Variants in CELF2 observed in about 807,000 individuals in gnomAD.
The protein encoded by CELF2 is CUGBP Elav-like family member 2, also known as CUG triplet repeat RNA-binding protein 2.
Under a neutral mutation model 62.6 loss-of-function variants are expected in CELF2, and 8 were observed. The observed-to-expected ratio is 0.13, with a 90% CI of 0.07 to 0.23. CELF2 has a LOEUF of 0.23. Ranked by LOEUF, CELF2 falls within the 10% of genes least tolerant of loss-of-function variation. The pLI, the probability that CELF2 is intolerant of heterozygous loss-of-function variation, is 1.00. For missense variants in CELF2, 333 were observed against 671.0 expected (o/e 0.50, Z 5.56); for synonymous variants, 258 against 250.0 (o/e 1.03, Z -0.30).
At chr10:10,756,068 A>G in the CELF2 span, among the ~76,000 whole-genome samples, 1 of 152,190 alleles carries the variant, frequency 6.6e-6, no homozygotes, top group Non-Finnish European at 1.5e-5. Context: ...AATGTAAATA[A>G]TTATTTATTT....
In CELF2 at chr10:11,336,619, A is replaced by C. The variant is rs2096121847; in HGVS notation, c.*7566A>C. The C allele has an allele frequency of 6.6e-6, 1 of 152,626 alleles. No individual in the cohort carries two copies. The highest frequency in any genetic ancestry group is 1.9e-4 in the East Asian group (1 of 5,200). 9.5% of individuals were successfully genotyped at this position (152,626 alleles called of 1,614,324 possible). A position where few individuals can be genotyped will look rare whatever the true frequency, so the allele number is the denominator to read the frequency against. ...GAGTGATACAGGATATTTTTCATTA[A>C]AATTATATCACTGGCTTTATGACTT... On this transcript the variant is annotated 3_prime_UTR_variant, in exon 13 of 13. Transcript: ENST00000633077. This position sits in a 1 kb window ranked among gnomAD's most constrained non-coding sequence, Gnocchi z 5.4.
At chr10:10,631,781 G>A in the CELF2 span, among the ~76,000 whole-genome samples, 3 of 152,044 alleles carry the variant, frequency 2.0e-5, no homozygotes, top group Admixed American at 6.6e-5. Context: ...GGAAAAATAA[G>A]GTTCTAAAAA....
chr10:11,070,129 A>AAAAAT (rs56019718), intron 1 of CELF2, among the ~76,000 whole-genome samples: 42,467 of 151,818 alleles, frequency 0.28, 6,501 homozygotes, highest in African/African-American at 0.39. Context: ...CAAAAAGTAA[A>AAAAAT]AAAATAAAAG....
rs532376018 is a variant in CELF2, at chr10:11,240,231, A to T, written c.355-8922A>T. Reference sequence around the variant, plus strand: ...TCCAAAGCAGTGTTCAGATAAATAGACCTTGCATAATCCAGGCAGTTAACA... The same window carrying T: ...TCCAAAGCAGTGTTCAGATAAATAGTCCTTGCATAATCCAGGCAGTTAACA... On this transcript the variant is annotated intron_variant, in intron 3 of 12. Coordinates refer to ENST00000633077, the MANE Select transcript of CELF2 (RefSeq NM_001326342.2). Among the ~76,000 whole-genome samples the T allele has an allele frequency of 3.1e-4, 47 of 152,302 alleles. 1 individual carries two copies. In the South Asian group the frequency reaches 8.9e-3, roughly 29 times the overall value.
At position 10,813,000 on chromosome 10, in the gene CELF2, GTACC is replaced by G. The variant is rs113304465; in HGVS notation, c.53+14185_53+14188del. ...GATCGATGTAAGATAGAACAGAGAA[GTACC>G]TTCCCATCGGATCCCGAATCCCACC... On this transcript the variant is annotated intron_variant, in intron 1 of 13. Coordinates refer to the CELF2 transcript ENST00000636488. Among the ~76,000 whole-genome samples, 961 of 152,306 alleles carry G rather than the reference GTACC, an allele frequency of 6.3e-3. 10 individuals are homozygous for G. The highest frequency in any genetic ancestry group is 0.022 in the African/African-American group (921 of 41,566).
chr10:10,903,093 T>G (rs979212673), intron 1 of CELF2, among the ~76,000 whole-genome samples: 17 of 152,146 alleles, frequency 1.1e-4, no homozygotes, highest in Non-Finnish European at 5.9e-5. Flanking sequence ...GAAAGTGAGA[T>G]TTCTTTGGAG....
At chr10:10,787,967 A>G in the CELF2 span, among the ~76,000 whole-genome samples, 12 of 152,218 alleles carry the variant, frequency 7.9e-5, no homozygotes, top group African/African-American at 2.9e-4. Context: ...CACTTTGGCC[A>G]GTGAACTGTC....
In CELF2 at chr10:11,333,683, G is replaced by C. The variant is rs2096070130; in HGVS notation, c.*4630G>C. ...TCATTTTGTTTAGAATTACAAAATA[G>C]TTTTTAAATATTGTCTGAGAAAAGC... On this transcript the variant is annotated 3_prime_UTR_variant, in exon 13 of 13. Coordinates refer to ENST00000633077, the MANE Select transcript of CELF2 (RefSeq NM_001326342.2). 6.6e-6 allele frequency: 1 copy of C among 152,530 alleles called. No homozygotes were observed. The highest frequency in any genetic ancestry group is 2.4e-5 in the African/African-American group (1 of 41,426). 9.4% of individuals were successfully genotyped at this position (152,530 alleles called of 1,614,324 possible). A position where few individuals can be genotyped will look rare whatever the true frequency, so the allele number is the denominator to read the frequency against.
chr10:10,959,125 G>A (rs911715438), intron 2 of CELF2, among the ~76,000 whole-genome samples: 3 of 151,954 alleles, frequency 2.0e-5, no homozygotes, highest in Non-Finnish European at 4.4e-5. Context: ...TAGCGTCGTG[G>A]TAGCTACCAC....
At chr10:10,926,586 C>T (rs2065482567) in intron 2 of CELF2, among the ~76,000 whole-genome samples, 1 of 152,228 alleles carries the variant, frequency 6.6e-6, no homozygotes, top group Admixed American at 6.5e-5. Context: ...TGATAAGGCG[C>T]ACCTCATGCT....
At chr10:10,665,635 A>C in the CELF2 span, among the ~76,000 whole-genome samples, 1 of 152,222 alleles carries the variant, frequency 6.6e-6, no homozygotes, top group African/African-American at 2.4e-5. Context: ...CTAATATAAT[A>C]AAGAAAATAT....
the CELF2 span, among the ~76,000 whole-genome samples, chr10:10,534,281 GAA>G: frequency 0.033 from 4,969 of 150,868 alleles, 255 homozygotes; most frequent in African/African-American, 0.11. Flanking sequence ...ACTAAGTAAA[GAA>G]AAAACACTTA....
At chr10:10,593,747 T>A in the CELF2 span, among the ~76,000 whole-genome samples, 1 of 152,166 alleles carries the variant, frequency 6.6e-6, no homozygotes, top group Non-Finnish European at 1.5e-5. Context: ...TTCAAATAAA[T>A]CATTGATTCT....
chr10:11,079,684 T>A (rs1055882356), intron 1 of CELF2, among the ~76,000 whole-genome samples: 8 of 152,062 alleles, frequency 5.3e-5, no homozygotes, highest in African/African-American at 1.9e-4. Flanking sequence ...TAAACCTCTT[T>A]ATAAATTACT....
the CELF2 span, among the ~76,000 whole-genome samples, chr10:10,652,057 G>A: frequency 1.0e-4 from 15 of 148,054 alleles, no homozygotes; most frequent in Admixed American, 2.0e-4. Flanking sequence ...ACTAAGGCTC[G>A]AGAACTACGT....
the CELF2 span, among the ~76,000 whole-genome samples, chr10:10,683,898 G>A: frequency 2.2e-4 from 33 of 152,254 alleles, no homozygotes; most frequent in African/African-American, 7.7e-4. Flanking sequence ...TCAGGCAAGA[G>A]GGTCCCCAGG....
At chr10:10,675,480 G>A in the CELF2 span, among the ~76,000 whole-genome samples, 1 of 151,938 alleles carries the variant, frequency 6.6e-6, no homozygotes, top group Non-Finnish European at 1.5e-5. Context: ...TTGTTGTTTA[G>A]TGTTCTCTGA....
chr10:10,583,979 T>C, the CELF2 span, among the ~76,000 whole-genome samples: 12 of 152,110 alleles, frequency 7.9e-5, no homozygotes, highest in African/African-American at 2.9e-4. Context: ...GAGTGGACTA[T>C]ATAGCCTCAA....
intron 2 of CELF2, chr10:10,929,567 G>A (rs1047792592): frequency 4.6e-5 from 7 of 152,146 alleles, no homozygotes; most frequent in Non-Finnish European, 8.8e-5. Flanking sequence ...GCCAAACTCC[G>A]GCTTGTGTTA....
Sources: gnomAD v4.1 joint callset for allele counts (sites outside exome capture counted in the v4.1 genomes callset) on GRCh38, gnomAD v4.1.1 for gene constraint, Gnocchi (gnomAD v3.1) non-coding constraint, MANE v1.5 for transcripts, NCBI Gene and HGNC (gene_info 2026-07-23, HGNC 2026-07-21) for gene names.